Variants in RGS6 observed in about 807,000 individuals in gnomAD.
RGS6 encodes regulator of G-protein signaling 6.
Under a neutral mutation model 78.5 loss-of-function variants are expected in RGS6, and 30 were observed. The ratio of observed to expected loss-of-function variants is 0.38; its 90% CI spans 0.29 to 0.52. The LOEUF (loss-of-function observed/expected upper bound fraction) is 0.52, where lower values mean the gene tolerates loss of function less well. Among genes scored for constraint, RGS6 ranks in the 20% least tolerant of loss-of-function variants. RGS6 has a pLI of 0.85. For synonymous variants in RGS6, 206 were observed against 206.0 expected (o/e 1.00, Z 0.00); for missense variants, 495 against 609.7 (o/e 0.81, Z 1.98).
At chr14:72,595,319 C>T in the RGS6 span, among the ~76,000 whole-genome samples, 8 of 152,182 alleles carry the variant, frequency 5.3e-5, no homozygotes, top group East Asian at 1.9e-4. Context: ...TTAAGCAACC[C>T]GTATGTGTGG....
At chr14:72,360,804 C>G (rs1008789086) in intron 3 of RGS6, among the ~76,000 whole-genome samples, 5 of 152,160 alleles carry the variant, frequency 3.3e-5, no homozygotes, top group Non-Finnish European at 5.9e-5. Context: ...TGTCCCCACT[C>G]TGATTTCATC....
At chr14:72,414,581 C>T (rs2093667214) in intron 3 of RGS6, among the ~76,000 whole-genome samples, 1 of 152,230 alleles carries the variant, frequency 6.6e-6, no homozygotes, top group Non-Finnish European at 1.5e-5. Context: ...CATTCTCCGT[C>T]CAGCTGTGTT....
chr14:71,888,852 A>G, the RGS6 span, among the ~76,000 whole-genome samples: 1 of 152,168 alleles, frequency 6.6e-6, no homozygotes, highest in Non-Finnish European at 1.5e-5. Context: ...CCTTAGTGTT[A>G]TTCTTAAGCA....
intron 2 of RGS6, among the ~76,000 whole-genome samples, chr14:72,188,375 C>T (rs2097276475): frequency 6.6e-6 from 1 of 152,166 alleles, no homozygotes; most frequent in African/African-American, 2.4e-5. Flanking sequence ...GTAATGAGAA[C>T]AGGCTAACCT....
intron 2 of RGS6, among the ~76,000 whole-genome samples, chr14:71,993,424 G>T (rs1241338896): frequency 6.6e-6 from 1 of 152,106 alleles, no homozygotes; most frequent in Non-Finnish European, 1.5e-5. Context: ...TAATAATAAT[G>T]AAATGAATAG....
the RGS6 span, among the ~76,000 whole-genome samples, chr14:72,629,369 T>C: frequency 3.3e-5 from 5 of 152,248 alleles, no homozygotes; most frequent in Admixed American, 3.3e-4. Context: ...TTTGCACTTA[T>C]TATATTTAAC....
intron 2 of RGS6, among the ~76,000 whole-genome samples, chr14:72,297,561 C>G (rs1268156517): frequency 7.1e-6 from 1 of 141,192 alleles, no homozygotes; most frequent in African/African-American, 2.6e-5. Context: ...TCTCCCAATG[C>G]TATCCCTCCC....
the RGS6 span, among the ~76,000 whole-genome samples, chr14:72,576,645 T>C: frequency 1.3e-5 from 2 of 152,258 alleles, no homozygotes; most frequent in Non-Finnish European, 2.9e-5. Context: ...ACTTGTTCTT[T>C]GAGCCATGCT....
chr14:71,874,987 T>G, the RGS6 span, among the ~76,000 whole-genome samples: 1 of 152,232 alleles, frequency 6.6e-6, no homozygotes, highest in African/African-American at 2.4e-5. Context: ...ATCCCAGGGA[T>G]GAAGCCCACT....
At chr14:72,208,242 T>C (rs1175695875) in intron 2 of RGS6, among the ~76,000 whole-genome samples, 1 of 152,170 alleles carries the variant, frequency 6.6e-6, no homozygotes, top group African/African-American at 2.4e-5. Context: ...CTTACTGCTA[T>C]TGGAGCTGAG....
chr14:71,871,645 C>G, the RGS6 span, among the ~76,000 whole-genome samples: 4 of 152,150 alleles, frequency 2.6e-5, no homozygotes, highest in African/African-American at 9.7e-5. Flanking sequence ...CACCTGCAAG[C>G]CCAGTGCCTT....
At position 71,960,211 on chromosome 14, in the gene RGS6, C is replaced by G. The variant is rs560716235; in HGVS notation, c.-20-4561C>G. ...CGAATCTGTTTGTGTCACAGGTGCT[C>G]AATTGTCCTATTATGCATAGAGCAT... On this transcript the variant is annotated intron_variant, in intron 1 of 17. Coordinates refer to ENST00000553525, the MANE Select transcript of RGS6 (RefSeq NM_001204424.2). Among the ~76,000 whole-genome samples, 8 of 152,280 alleles carry G rather than the reference C, an allele frequency of 5.3e-5. No homozygotes were observed. The South Asian group carries it at 1.7e-3, about 32-fold the overall frequency.
At chr14:72,250,632 C>T (rs2055506545) in intron 2 of RGS6, among the ~76,000 whole-genome samples, 1 of 152,154 alleles carries the variant, frequency 6.6e-6, no homozygotes, top group East Asian at 1.9e-4. Context: ...CAGAGGATCA[C>T]CTATAAACTC....
At chr14:72,194,562 A>T (rs751426496) in intron 2 of RGS6, among the ~76,000 whole-genome samples, 3 of 151,968 alleles carry the variant, frequency 2.0e-5, no homozygotes, top group Non-Finnish European at 2.9e-5. Flanking sequence ...GGGTCTCACT[A>T]TGTTGCCCAG....
intron 16 of RGS6, among the ~76,000 whole-genome samples, chr14:72,538,114 A>T (rs1339832697): frequency 6.6e-6 from 1 of 152,234 alleles, no homozygotes. Flanking sequence ...ACAGTGACAA[A>T]ACCTGCTTTC....
In RGS6 at chr14:71,969,315, A is replaced by G. The variant is rs2093681012; in HGVS notation, c.84+4440A>G. ...GGTAAAGATTTTCTAAAATGTTTAC[A>G]TAGGTAAGATTGCTTTTGAGTAAGA... is the stretch of plus-strand genomic sequence containing the variant. On this transcript the variant is annotated intron_variant, in intron 2 of 17. Transcript: ENST00000553525. Among the ~76,000 whole-genome samples, 3 of 152,216 alleles carry G rather than the reference A, an allele frequency of 2.0e-5. 1 individual carries two copies. The highest frequency in any genetic ancestry group is 4.1e-4 in the South Asian group (2 of 4,830).
intron 2 of RGS6, among the ~76,000 whole-genome samples, chr14:72,045,292 T>C (rs1177405461): frequency 2.0e-5 from 3 of 152,204 alleles, no homozygotes; most frequent in Admixed American, 1.3e-4. Flanking sequence ...TTTTCTTGCC[T>C]TTTAGCATGC....
chr14:72,206,729 G>A (rs1181433049), intron 2 of RGS6, among the ~76,000 whole-genome samples: 1 of 152,068 alleles, frequency 6.6e-6, no homozygotes, highest in East Asian at 1.9e-4. Context: ...TGAGAACAAT[G>A]CAGGAAAGAC....
At chr14:72,258,503 C>A (rs1302248910) in intron 2 of RGS6, among the ~76,000 whole-genome samples, 2 of 152,156 alleles carry the variant, frequency 1.3e-5, no homozygotes, top group Non-Finnish European at 2.9e-5. Flanking sequence ...GGGTGACACT[C>A]TCTAGCTTCT....
Sources: allele counts gnomAD v4.1 joint callset (sites outside exome capture counted in the v4.1 genomes callset), GRCh38; gene constraint gnomAD v4.1.1; transcripts MANE v1.5; gene names NCBI Gene and HGNC (gene_info 2026-07-23, HGNC 2026-07-21).